Variants in PLG observed in about 807,000 individuals in gnomAD.
The protein encoded by PLG is plasmin.
PLG carries 41 observed loss-of-function variants against 104.4 expected under a neutral mutation model. The ratio of observed to expected loss-of-function variants is 0.39; its 90% CI spans 0.31 to 0.51. The LOEUF is 0.51. PLG is among the 20% of genes least tolerant of loss of function. The probability of loss-of-function intolerance (pLI) is 0.76; values close to 1 mark genes in which losing one functional copy is unlikely to be tolerated. For missense variants in PLG, 891 were observed against 1,003.6 expected, an observed-to-expected ratio of 0.89 and a Z score of 1.52; for synonymous variants, 337 against 357.1, an observed-to-expected ratio of 0.94 and a Z score of 0.63.
rs750185991 is a variant in PLG at position 160,711,097 on chromosome 6, A to G, written c.313A>G (p.Thr105Ala). ...EKKVYLSECK[T>A]GNGKNYRGTM... ...TTCAGTGTATCTCTCAGAGTGCAAG[A>G]CTGGGAATGGAAAGAACTACAGAGG... is the stretch of plus-strand genomic sequence containing the variant. The change falls in exon 4 of 19, where the codon ACT (threonine) becomes GCT (alanine). Residue 105 changes from threonine to alanine, a missense_variant. Thr to Ala is a moderately conservative substitution (Grantham distance 58, BLOSUM62 0). Around this residue, in one of 2 missense-constraint regions of PLG, gnomAD observed 854 missense variants for 932.1 expected, o/e 0.92. Coordinates refer to ENST00000308192, the MANE Select transcript of PLG (RefSeq NM_000301.5). 4.0e-5 allele frequency: 64 copies of G among 1,612,822 alleles called. No homozygotes were observed. In the Middle Eastern group the frequency reaches 8.3e-4, roughly 21 times the overall value.
Position 160,718,701 on chromosome 6 carries a change from A to T in PLG, c.959A>T (p.Asp320Val). The stretch of plus-strand genomic sequence containing the variant: ...AATCACTTCTTTTTCAGAAATTTGG[A>T]TGAAAACTACTGCCGCAATCCTGAC... ...TPENFPCKNL[D>V]ENYCRNPDGK... The change falls in exon 9 of 19, where the codon GAT becomes GTT. Residue 320 changes from aspartate (D) to valine (V), a missense_variant. Asp to Val is a radical substitution (Grantham distance 152). Around this residue, in one of 2 missense-constraint regions of PLG, gnomAD observed 854 missense variants for 932.1 expected, o/e 0.92. Transcript: ENST00000308192. 6.2e-7 allele frequency: 1 copy of T among 1,614,002 alleles called. No homozygotes were observed.
chr6:160,710,520 T>A (rs1207355298), intron 3 of PLG, among the ~76,000 whole-genome samples: 4 of 151,880 alleles, frequency 2.6e-5, no homozygotes, highest in Non-Finnish European at 5.9e-5. Context: ...TGGAAGCTGG[T>A]TGAGAACTTT....
chr6:160,706,801 C>G (rs1388203928), intron 2 of PLG, among the ~76,000 whole-genome samples: 1 of 152,030 alleles, frequency 6.6e-6, no homozygotes, highest in African/African-American at 2.4e-5. Flanking sequence ...GTTCTGAGCT[C>G]CAGTTTTCAA....
At chr6:160,727,377 A>T (rs920085296) in intron 10 of PLG, among the ~76,000 whole-genome samples, 8 of 128,216 alleles carry the variant, frequency 6.2e-5, no homozygotes, top group Admixed American at 2.9e-4. Flanking sequence ...GTTATTATTT[A>T]AAAAAAATCC....
Position 160,718,733 on chromosome 6 carries a change from A to G in PLG, c.991A>G (p.Arg331Gly). Residue 331 changes from arginine (R) to glycine (G), a missense_variant, in exon 9 of 19, where the codon AGG becomes GGG. Transcript: ENST00000308192. ...CTACTGCCGCAATCCTGACGGAAAA[A>G]GGGCCCCATGGTGCCATACAACCAA... ...ENYCRNPDGK[R>G]APWCHTTNSQ... The G allele has an allele frequency of 6.2e-7, 1 of 1,613,044 alleles. No homozygotes were observed. The highest frequency in any genetic ancestry group is 8.5e-7 in the Non-Finnish European group (1 of 1,179,070).
intron 17 of PLG, among the ~76,000 whole-genome samples, chr6:160,749,105 C>T (rs1010482127): frequency 2.0e-5 from 3 of 152,176 alleles, no homozygotes; most frequent in African/African-American, 7.2e-5. Context: ...GATGAAAGCA[C>T]GAAGCTAAAA....
chr6:160,743,007 G>T (rs941119610), intron 17 of PLG, among the ~76,000 whole-genome samples: 1 of 86,372 alleles, frequency 1.2e-5, no homozygotes, highest in Non-Finnish European at 2.1e-5. Context: ...ACTGGTCTAC[G>T]TGTCTTTTTT....
chr6:160,712,676 A>G (rs1777665525), intron 4 of PLG, among the ~76,000 whole-genome samples: 2 of 152,216 alleles, frequency 1.3e-5, no homozygotes, highest in South Asian at 4.1e-4. Context: ...TGACAAAAGC[A>G]GGTGTTTGGA....
Position 160,725,624 on chromosome 6 carries a change from C to T in PLG, c.1256+3057C>T, listed in dbSNP as rs1777909708. On this transcript the variant is annotated intron_variant, in intron 10 of 18. Coordinates refer to ENST00000308192, the MANE Select transcript of PLG (RefSeq NM_000301.5). This position sits in a 1 kb window ranked among gnomAD's most constrained non-coding sequence, Gnocchi z 6.3. ...AAAATATATTTAATATACTCCTAAG[C>T]ATATTAAATATAAAGGGATTAAACA... is the stretch of plus-strand genomic sequence containing the variant. Among the ~76,000 whole-genome samples, 1 of 152,006 alleles carries T rather than the reference C, an allele frequency of 6.6e-6. No individual in the cohort carries two copies. Among genetic ancestry groups the T allele is most frequent in the African/African-American group, 2.4e-5 (1 of 41,392 alleles).
rs1257597787 is a variant in PLG, at chr6:160,741,879, C to G, written c.2125+462C>G. On this transcript the variant is annotated intron_variant, in intron 17 of 18. Coordinates refer to ENST00000308192, the MANE Select transcript of PLG (RefSeq NM_000301.5). This position sits in a 1 kb window ranked among gnomAD's most constrained non-coding sequence, Gnocchi z 4.7. The stretch of plus-strand genomic sequence containing the variant: ...TCTTTGTGTCCATGAGTTCTCATCA[C>G]TTAGCTCCCACTTATAACTGTGAAC... 6.6e-6 allele frequency among the ~76,000 whole-genome samples: 1 copy of G among 152,134 alleles called. No individual in the cohort carries two copies. The highest frequency in any genetic ancestry group is 2.4e-5 in the African/African-American group (1 of 41,432).
chr6:160,720,602 T>C (rs1312322155), intron 9 of PLG, among the ~76,000 whole-genome samples: 1 of 151,938 alleles, frequency 6.6e-6, no homozygotes, highest in Non-Finnish European at 1.5e-5. Flanking sequence ...GTATTTTTGG[T>C]AGAGACAGAG....
chr6:160,754,002 C>G lies in PLG; in HGVS notation c.*941C>G, dbSNP rs1431136796. Among the ~76,000 whole-genome samples the G allele has an allele frequency of 1.3e-5, 2 of 152,160 alleles. No individual in the cohort carries two copies. Among genetic ancestry groups the G allele is most frequent in the Admixed American group, 6.5e-5 (1 of 15,274 alleles). ...TACAGCAGAGAAATGCAGAGAAAAGCAAAACTGCAAGTGACTGTGAATAAA... is the reference window on the plus strand; with the variant it reads ...TACAGCAGAGAAATGCAGAGAAAAGGAAAACTGCAAGTGACTGTGAATAAA... On this transcript the variant is annotated 3_prime_UTR_variant, in exon 19 of 19. Coordinates refer to ENST00000308192, the MANE Select transcript of PLG (RefSeq NM_000301.5). This position sits in a 1 kb window ranked among gnomAD's most constrained non-coding sequence, Gnocchi z 4.9.
rs766255419 is a variant in PLG at position 160,740,687 on chromosome 6, C to T, written c.2019-624C>T. Among the ~76,000 whole-genome samples, 7 of 152,128 alleles carry T rather than the reference C, an allele frequency of 4.6e-5. No homozygotes were observed. The highest frequency in any genetic ancestry group is 1.3e-4 in the Admixed American group (2 of 15,270). On this transcript the variant is annotated intron_variant, in intron 16 of 18. Coordinates refer to ENST00000308192, the MANE Select transcript of PLG (RefSeq NM_000301.5). The surrounding 1 kb of genome is among the most constrained non-coding windows in gnomAD (Gnocchi z 5.2). ...CTAAAGTAGAATCAGGTCTAAAAAC[C>T]GGAGTTCTAATGTTTGAGAGTCCCT...
chr6:160,709,872 A>G (rs1315363009), intron 3 of PLG, among the ~76,000 whole-genome samples: 1 of 152,242 alleles, frequency 6.6e-6, no homozygotes, highest in African/African-American at 2.4e-5. Context: ...AAAAATGGCT[A>G]AAGTGGGTAA....
In PLG at chr6:160,739,547, T is replaced by C. The variant is rs983897039; in HGVS notation, c.2018+339T>C. 6.6e-6 allele frequency among the ~76,000 whole-genome samples: 1 copy of C among 152,176 alleles called. No individual in the cohort carries two copies. Among genetic ancestry groups the C allele is most frequent in the Admixed American group, 6.5e-5 (1 of 15,278 alleles). On this transcript the variant is annotated intron_variant, in intron 16 of 18. Transcript: ENST00000308192. This position sits in a 1 kb window ranked among gnomAD's most constrained non-coding sequence, Gnocchi z 4.4. Reference sequence around the variant, plus strand: ...CAGGCTGACAATTCCCCCTTCATCATAATATGTTTAAGAGAATCATATAAG... The same window carrying C: ...CAGGCTGACAATTCCCCCTTCATCACAATATGTTTAAGAGAATCATATAAG...
Position 160,718,321 on chromosome 6 carries a change from C to A in PLG, c.815C>A (p.Thr272Asn). Residue 272 changes from threonine to asparagine, a missense_variant, in exon 8 of 19, where the codon ACC becomes AAC. Thr to Asn is a moderately conservative substitution (Grantham distance 65). This residue lies in a region of PLG where 854 missense variants were observed against 932.1 expected (regional missense o/e 0.92). Transcript: ENST00000308192. ...CTTPPPSSGP[T>N]YQCLKGTGEN... ...ACACCTCCACCATCTTCTGGTCCCACCTACCAGTGTCTGAAGGGAACAGGT... is the reference window on the plus strand; with the variant it reads ...ACACCTCCACCATCTTCTGGTCCCAACTACCAGTGTCTGAAGGGAACAGGT... The A allele has an allele frequency of 6.2e-7, 1 of 1,613,952 alleles. No individual in the cohort carries two copies.
intron 10 of PLG, among the ~76,000 whole-genome samples, chr6:160,729,315 T>A (rs1777962849): frequency 6.6e-6 from 1 of 152,196 alleles, no homozygotes. Flanking sequence ...AAGTACAGTA[T>A]GCTGGTTTTC....
chr6:160,705,161 C>T (rs1362036224), intron 1 of PLG, among the ~76,000 whole-genome samples: 1 of 152,188 alleles, frequency 6.6e-6, no homozygotes, highest in Non-Finnish European at 1.5e-5. Flanking sequence ...ATTTTATTAG[C>T]CTCTTTTGGC....
intron 4 of PLG, among the ~76,000 whole-genome samples, 153 bp from the exon 5 acceptor site, chr6:160,712,833 T>C (rs1473659512): frequency 1.3e-5 from 2 of 152,164 alleles, no homozygotes; most frequent in Non-Finnish European, 2.9e-5. Flanking sequence ...AATAGAGAAA[T>C]TGAAAATCTG....
Sources: gnomAD v4.1 joint callset for allele counts (sites outside exome capture counted in the v4.1 genomes callset) on GRCh38, gnomAD v4.1.1 for gene constraint, gnomAD v4.1.1 regional missense constraint, Gnocchi (gnomAD v3.1) non-coding constraint, MANE v1.5 for transcripts, NCBI Gene and HGNC (gene_info 2026-07-23, HGNC 2026-07-21) for gene names.